TMEM14B: variants seen among roughly 807,000 people sequenced by gnomAD.
TMEM14B encodes the protein transmembrane protein 14B.
A neutral mutation model predicts 14.8 loss-of-function variants in TMEM14B; 9 were observed. The observed-to-expected ratio is 0.61, with a 90% confidence interval of 0.37 to 1.06. The LOEUF (loss-of-function observed/expected upper bound fraction) is 1.06, where lower values mean the gene tolerates loss of function less well. Among genes scored for constraint, TMEM14B ranks in the 50% least tolerant of loss-of-function variants. The pLI is 0.01. For missense variants in TMEM14B, 128 were observed against 143.6 expected (o/e 0.89, Z 0.56); for synonymous variants, 40 against 51.3 (o/e 0.78, Z 0.94).
rs952432865 is a variant in TMEM14B at position 10,747,851 on chromosome 6, C to T, written c.-75C>T. 1.3e-5 allele frequency: 2 copies of T among 152,322 alleles called. No individual in the cohort carries two copies. The highest frequency in any genetic ancestry group is 6.5e-5 in the Admixed American group (1 of 15,292). 9.4% of individuals were successfully genotyped at this position (152,322 alleles called of 1,614,324 possible). Reference sequence around the variant, plus strand: ...TGGCTGCTGTGTCCCGCGGCTTGCGCTCCGTAGTGGACTCCGCGGGCCTTC... The same window carrying T: ...TGGCTGCTGTGTCCCGCGGCTTGCGTTCCGTAGTGGACTCCGCGGGCCTTC... On this transcript the variant is annotated 5_prime_UTR_variant, in exon 1 of 6. Transcript: ENST00000379542.
chr6:10,752,289 T>G (rs9461126), intron 4 of TMEM14B, among the ~76,000 whole-genome samples: 3,396 of 151,756 alleles, frequency 0.022, 49 homozygotes, highest in Middle Eastern at 0.051. Context: ...TTTCCCTCCT[T>G]TCCAACACCA....
At chr6:10,754,733 C>T (rs1003750310) in intron 4 of TMEM14B, among the ~76,000 whole-genome samples, 3 of 152,218 alleles carry the variant, frequency 2.0e-5, no homozygotes, top group Non-Finnish European at 2.9e-5. Context: ...CAGCTCCTAG[C>T]ACAGCGCTTG....
intron 1 of TMEM14B, among the ~76,000 whole-genome samples, chr6:10,748,787 G>A (rs1771434654): frequency 6.6e-6 from 1 of 152,140 alleles, no homozygotes; most frequent in African/African-American, 2.4e-5. Context: ...GAAATTGGCT[G>A]TTGCATCAGT....
intron 4 of TMEM14B, among the ~76,000 whole-genome samples, chr6:10,752,363 G>A (rs1479972647): frequency 6.6e-6 from 1 of 151,702 alleles, no homozygotes; most frequent in Non-Finnish European, 1.5e-5. Context: ...CACTGGCCAG[G>A]ATCCTGTCTT....
intron 4 of TMEM14B, chr6:10,752,961 C>G (rs1462011320): frequency 6.6e-6 from 1 of 152,040 alleles, no homozygotes; most frequent in Admixed American, 6.6e-5. Context: ...TGCAGCTGGG[C>G]GCGGTGGCTC....
downstream of TMEM14B, chr6:10,759,142 A>G (rs1265503001): frequency 6.4e-6 from 1 of 156,902 alleles, no homozygotes; most frequent in Non-Finnish European, 1.4e-5. Flanking sequence ...CTGGTCTTGA[A>G]CTGACCTCAG....
At chr6:10,749,581 G>A in intron 2 of TMEM14B, 41 bp from the exon 3 acceptor site, 1 of 1,609,102 alleles carries the variant, frequency 6.2e-7, no homozygotes, top group Non-Finnish European at 8.5e-7. Flanking sequence ...TTTAAATCCA[G>A]GTTAGCACTG....
intron 4 of TMEM14B, among the ~76,000 whole-genome samples, chr6:10,754,108 A>G (rs1472167151): frequency 6.6e-6 from 1 of 152,178 alleles, no homozygotes; most frequent in Non-Finnish European, 1.5e-5. Context: ...CCCGGTCTCC[A>G]CTAAAATTAA....
At chr6:10,753,926 C>T (rs1771696721) in intron 4 of TMEM14B, among the ~76,000 whole-genome samples, 1 of 152,168 alleles carries the variant, frequency 6.6e-6, no homozygotes, top group Non-Finnish European at 1.5e-5. Flanking sequence ...CCCATGTACC[C>T]TCTAGTTTCC....
chr6:10,754,416 C>T (rs1202293022), intron 4 of TMEM14B, among the ~76,000 whole-genome samples: 1 of 152,180 alleles, frequency 6.6e-6, no homozygotes, highest in Non-Finnish European at 1.5e-5. Flanking sequence ...ATGTGCCATG[C>T]TCCCTGTCAC....
downstream of TMEM14B, among the ~76,000 whole-genome samples, chr6:10,757,380 C>G (rs1771842058): frequency 6.6e-6 from 1 of 152,134 alleles, no homozygotes; most frequent in African/African-American, 2.4e-5. Flanking sequence ...AGGCTGCTAT[C>G]AAACTCCTGG....
chr6:10,757,728 C>T (rs527900169), downstream of TMEM14B, among the ~76,000 whole-genome samples: 44 of 152,256 alleles, frequency 2.9e-4, no homozygotes, highest in African/African-American at 9.6e-4. Flanking sequence ...CGGTGGCTCA[C>T]GCCTGTAGTG....
chr6:10,748,280 G>T lies in TMEM14B; in HGVS notation c.-45+399G>T, dbSNP rs115717586. Reference sequence around the variant, plus strand: ...TGGGGGGTGGGGAGGGGTTCTCGCTGTGTCGCCCAGCCTGGAGTGCAGTAG... The same window carrying T: ...TGGGGGGTGGGGAGGGGTTCTCGCTTTGTCGCCCAGCCTGGAGTGCAGTAG... On this transcript the variant is annotated intron_variant, in intron 1 of 5. Transcript: ENST00000379542. Among the ~76,000 whole-genome samples the T allele has an allele frequency of 3.9e-3, 586 of 152,172 alleles. 3 individuals are homozygous for T. The highest frequency in any genetic ancestry group is 0.013 in the African/African-American group (535 of 41,508).
intron 5 of TMEM14B, chr6:10,755,551 C>T: frequency 7.5e-7 from 1 of 1,339,488 alleles, no homozygotes; most frequent in East Asian, 2.7e-5. Flanking sequence ...TCCCATATTT[C>T]TTAGGTGTGT....
At chr6:10,752,426 T>C (rs1771620312) in intron 4 of TMEM14B, among the ~76,000 whole-genome samples, 1 of 151,578 alleles carries the variant, frequency 6.6e-6, no homozygotes, top group African/African-American at 2.4e-5. Context: ...TCAGATGTGC[T>C]TGTCTCCTTC....
chr6:10,757,484 AAAG>A (rs1357580948), downstream of TMEM14B, among the ~76,000 whole-genome samples: 2 of 152,136 alleles, frequency 1.3e-5, no homozygotes, highest in African/African-American at 4.8e-5. Context: ...TGTAGCAAAA[AAAG>A]AAGAAGAAAA....
intron 3 of TMEM14B, chr6:10,750,193 G>A (rs150915947): frequency 3.2e-4 from 53 of 167,214 alleles, no homozygotes; most frequent in Non-Finnish European, 5.8e-4. Context: ...TAACTGCCTG[G>A]CCCTATTTCC....
At chr6:10,755,437 T>TG (rs1771767495) in intron 5 of TMEM14B, 1 of 1,465,226 alleles carries the variant, frequency 6.8e-7, no homozygotes, top group African/African-American at 1.4e-5. Flanking sequence ...ACTGTGGAGA[T>TG]GGCTTTGTTC....
At chr6:10,756,991 G>A (rs1581617330), downstream of TMEM14B, 2 of 982,226 alleles carry the variant, frequency 2.0e-6, no homozygotes, top group East Asian at 2.3e-4. Context: ...ATTTCCTATG[G>A]TGTCTTCATT....
Sources: allele counts gnomAD v4.1 joint callset (sites outside exome capture counted in the v4.1 genomes callset), GRCh38; gene constraint gnomAD v4.1.1; transcripts MANE v1.5; gene names NCBI Gene and HGNC (gene_info 2026-07-23, HGNC 2026-07-21).